PRRX1: variants seen among roughly 807,000 people sequenced by gnomAD.
PRRX1 encodes paired mesoderm homeobox protein 1.
A neutral mutation model predicts 24.0 loss-of-function variants in PRRX1; 8 were observed. That is an observed-to-expected ratio of 0.33 (90% CI 0.20 to 0.60). PRRX1 has a LOEUF of 0.60. Ranked by LOEUF, PRRX1 falls within the 20% of genes least tolerant of loss-of-function variation. The pLI is 0.82. For synonymous variants in PRRX1, 160 were observed against 131.7 expected (o/e 1.22, Z -1.47); for missense variants, 281 against 322.4 (o/e 0.87, Z 0.98).
intron 1 of PRRX1, among the ~76,000 whole-genome samples, chr1:170,714,013 G>A (rs886890785): frequency 3.9e-5 from 6 of 152,224 alleles, no homozygotes; most frequent in Non-Finnish European, 7.3e-5. Context: ...ATGTGTGTGT[G>A]CTGCTAAACT....
Position 170,691,288 on chromosome 1 carries a change from ATAAAG to A in PRRX1, c.241+26833_241+26837del, listed in dbSNP as rs1489497182. 3.0e-4 allele frequency among the ~76,000 whole-genome samples: 45 copies of A among 152,148 alleles called. 1 individual carries two copies. Among genetic ancestry groups the A allele is most frequent in the Admixed American group, 8.5e-4 (13 of 15,264 alleles). On this transcript the variant is annotated intron_variant, in intron 1 of 3. Coordinates refer to ENST00000239461, the MANE Select transcript of PRRX1 (RefSeq NM_022716.4). ...TTATTAGCCAACCAGAGAGTGAAAT[ATAAAG>A]TAATGTCTTTTAGAAACTGTTGATG... is the stretch of plus-strand genomic sequence containing the variant.
intron 1 of PRRX1, among the ~76,000 whole-genome samples, chr1:170,716,674 G>A (rs928260550): frequency 6.6e-6 from 1 of 152,112 alleles, no homozygotes; most frequent in Admixed American, 6.5e-5. Context: ...AGAATGAGAT[G>A]CATTCTAATA....
Position 170,693,466 on chromosome 1 carries a change from G to A in PRRX1, c.242-26260G>A, listed in dbSNP as rs1200304622. ...AGGAAAGAGGATATTTGATATGGCAGTACAGCCTTTCTTATGAAGGGTACC... is the reference window on the plus strand; with the variant it reads ...AGGAAAGAGGATATTTGATATGGCAATACAGCCTTTCTTATGAAGGGTACC... On this transcript the variant is annotated intron_variant, in intron 1 of 3. Transcript: ENST00000239461. Among the ~76,000 whole-genome samples, 5 of 152,120 alleles carry A rather than the reference G, an allele frequency of 3.3e-5. No homozygotes were observed. In the South Asian group the frequency reaches 6.2e-4, roughly 19 times the overall value.
intron 1 of PRRX1, among the ~76,000 whole-genome samples, chr1:170,715,175 C>G (rs1486008796): frequency 6.6e-6 from 1 of 152,128 alleles, no homozygotes; most frequent in African/African-American, 2.4e-5. Context: ...GTGGGTAAAA[C>G]TATCCAGAGA....
intron 1 of PRRX1, among the ~76,000 whole-genome samples, chr1:170,686,407 T>C (rs1653744909): frequency 6.6e-6 from 1 of 152,102 alleles, no homozygotes; most frequent in African/African-American, 2.4e-5. Flanking sequence ...ACGTGGGGAA[T>C]AGAATTTCTT....
chr1:170,664,236 G>C lies in PRRX1; in HGVS notation c.18G>C (p.Gly6=). Residue 6 remains glycine (G), a synonymous_variant, in exon 1 of 4, where the codon GGG becomes GGC. Coordinates refer to ENST00000239461, the MANE Select transcript of PRRX1 (RefSeq NM_022716.4). MTSSY[G]HVLERQPALG... is the part of the protein sequence containing the mutation. ...GGGAGACCATGACCTCCAGCTACGG[G>C]CACGTTCTGGAGCGGCAACCGGCGC... 4 of 1,611,604 alleles carry C rather than the reference G, an allele frequency of 2.5e-6. No homozygotes were observed. The highest frequency in any genetic ancestry group is 3.4e-6 in the Non-Finnish European group (4 of 1,179,242).
chr1:170,704,735 G>A (rs1362520360), intron 1 of PRRX1, among the ~76,000 whole-genome samples: 1 of 152,112 alleles, frequency 6.6e-6, no homozygotes, highest in African/African-American at 2.4e-5. Context: ...CAACAGATCT[G>A]CACCTGGTGT....
intron 3 of PRRX1, among the ~76,000 whole-genome samples, chr1:170,732,983 C>T (rs1473165370): frequency 3.3e-5 from 5 of 151,998 alleles, no homozygotes; most frequent in East Asian, 1.9e-4. Context: ...AGCAGGCTGC[C>T]GTTTATGTGA....
At chr1:170,695,657 T>C (rs773577999) in intron 1 of PRRX1, among the ~76,000 whole-genome samples, 7 of 152,128 alleles carry the variant, frequency 4.6e-5, no homozygotes, top group African/African-American at 7.2e-5. Flanking sequence ...TCCAATCAAT[T>C]ATATTTCCTA....
chr1:170,726,263 G>C lies in PRRX1; in HGVS notation c.461G>C (p.Arg154Thr). The C allele has an allele frequency of 6.2e-7, 1 of 1,614,076 alleles. No individual in the cohort carries two copies. Among genetic ancestry groups the C allele is most frequent in the Non-Finnish European group, 8.5e-7 (1 of 1,179,986 alleles). The part of the protein sequence containing the change: ...NRRAKFRRNE[R>T]AMLANKNASL... ...AGAGCCAAGTTCCGCAGGAATGAGA[G>C]AGCCATGCTAGCCAATAAAAACGCT... is the stretch of plus-strand genomic sequence containing the variant. Residue 154 changes from arginine (R) to threonine (T), a missense_variant, in exon 3 of 4, where the codon AGA (arginine) becomes ACA (threonine). By Grantham distance (71) the Arg-to-Thr change is moderately conservative (BLOSUM62 -1). Transcript: ENST00000239461.
At chr1:170,721,142 A>G (rs1020484503) in intron 2 of PRRX1, among the ~76,000 whole-genome samples, 1 of 152,130 alleles carries the variant, frequency 6.6e-6, no homozygotes, top group Non-Finnish European at 1.5e-5. Context: ...CCGCCTCCCA[A>G]AAAAACTGAA....
intron 3 of PRRX1, chr1:170,726,879 G>C (rs1477539782): frequency 6.4e-6 from 1 of 155,046 alleles, no homozygotes; most frequent in Non-Finnish European, 1.4e-5. Context: ...AAGGAAGGAA[G>C]AAAGAAAGGA....
At chr1:170,665,743 C>T (rs1329800948) in intron 1 of PRRX1, among the ~76,000 whole-genome samples, 2 of 152,260 alleles carry the variant, frequency 1.3e-5, no homozygotes, top group African/African-American at 2.4e-5. Context: ...CAGAGAGAGC[C>T]TCTGGTGTGC....
chr1:170,726,717 C>A, intron 3 of PRRX1: 1 of 267,222 alleles, frequency 3.7e-6, no homozygotes, highest in South Asian at 8.9e-5. Context: ...CCTCTTGCAA[C>A]AATTCTGGAA....
At chr1:170,729,251 C>CA (rs1474846616) in intron 3 of PRRX1, among the ~76,000 whole-genome samples, 3 of 152,154 alleles carry the variant, frequency 2.0e-5, no homozygotes, top group African/African-American at 7.2e-5. Flanking sequence ...CCTTTTTATG[C>CA]AAGAGATATC....
Position 170,739,102 on chromosome 1 carries a change from A to G in PRRX1, c.*2916A>G, listed in dbSNP as rs901410639. The G allele has an allele frequency of 5.1e-5, 11 of 214,312 alleles. No homozygotes were observed. The highest frequency in any genetic ancestry group is 2.5e-4 in the African/African-American group (11 of 44,246). 13.3% of individuals were successfully genotyped at this position (214,312 alleles called of 1,614,324 possible). A position where few individuals can be genotyped will look rare whatever the true frequency, so the allele number is the denominator to read the frequency against. ...TGTCAGTGGAGGTCCTCAGGGCTGC[A>G]AATGTCAAGACATAACCCTGTTCCT... On this transcript the variant is annotated 3_prime_UTR_variant, in exon 4 of 4. Coordinates refer to ENST00000239461, the MANE Select transcript of PRRX1 (RefSeq NM_022716.4).
chr1:170,670,025 G>A (rs553961043), intron 1 of PRRX1, among the ~76,000 whole-genome samples: 2 of 152,100 alleles, frequency 1.3e-5, no homozygotes, highest in Non-Finnish European at 2.9e-5. Context: ...GCCTTTGTAA[G>A]TTTAATTAAC....
chr1:170,713,033 C>G (rs1274598953), intron 1 of PRRX1, among the ~76,000 whole-genome samples: 2 of 152,052 alleles, frequency 1.3e-5, no homozygotes, highest in Non-Finnish European at 2.9e-5. Context: ...GTACTCTGTT[C>G]AATAATGCAT....
intron 1 of PRRX1, among the ~76,000 whole-genome samples, chr1:170,696,994 C>T (rs1000042454): frequency 2.6e-5 from 4 of 152,108 alleles, no homozygotes; most frequent in African/African-American, 7.2e-5. Context: ...CATCTACAAG[C>T]GATAGCCCTG....
Sources: allele counts gnomAD v4.1 joint callset (sites outside exome capture counted in the v4.1 genomes callset), GRCh38; gene constraint gnomAD v4.1.1; transcripts MANE v1.5; gene names NCBI Gene and HGNC (gene_info 2026-07-23, HGNC 2026-07-21).